The following DOCK2 variants were observed in gnomAD, a reference collection of about 807,000 sequenced individuals.
DOCK2 encodes dedicator of cytokinesis 2.
In DOCK2, 87 loss-of-function variants were observed where a neutral mutation model predicts 248.9. That is an observed-to-expected ratio of 0.35 (90% CI 0.29 to 0.42). The LOEUF (loss-of-function observed/expected upper bound fraction) is 0.42. Among genes scored for constraint, DOCK2 ranks in the 10% least tolerant of loss-of-function variants. The pLI, the probability that DOCK2 is intolerant of heterozygous loss-of-function variation, is 1.00. For synonymous variants in DOCK2, 805 were observed against 821.6 expected, an observed-to-expected ratio of 0.98 and a Z score of 0.35; for missense variants, 1,747 against 2,300.2, an observed-to-expected ratio of 0.76 and a Z score of 4.92.
At chr5:169,651,582 A>C (rs1757806726) in intron 1 of DOCK2, among the ~76,000 whole-genome samples, 1 of 152,130 alleles carries the variant, frequency 6.6e-6, no homozygotes, top group Non-Finnish European at 1.5e-5. Context: ...CTTCTGTTGG[A>C]AGCCTCAGTT....
intron 27 of DOCK2, among the ~76,000 whole-genome samples, chr5:169,950,700 T>C (rs928778644): frequency 6.6e-6 from 1 of 152,232 alleles, no homozygotes; most frequent in Non-Finnish European, 1.5e-5. Context: ...ATTTTGTCGT[T>C]ATTCCTGGTA....
rs1769187487 is a variant in DOCK2, at chr5:169,830,953, G to A, written c.2704-9804G>A. 2.0e-5 allele frequency among the ~76,000 whole-genome samples: 3 copies of A among 152,276 alleles called. No homozygotes were observed. The South Asian group carries it at 6.2e-4, about 32-fold the overall frequency. On this transcript the variant is annotated intron_variant, in intron 26 of 51. Coordinates refer to ENST00000520908, the MANE Select transcript of DOCK2 (RefSeq NM_004946.3). ...CCCCTGAACACAGGGCTTCCTGGGT[G>A]TACATCCCTGGGATGTATCCACTCA...
At chr5:169,728,809 A>G (rs1157069712) in intron 22 of DOCK2, among the ~76,000 whole-genome samples, 1 of 145,412 alleles carries the variant, frequency 6.9e-6, no homozygotes, top group East Asian at 2.0e-4. Context: ...GAATCTGGGG[A>G]AAATTTCATA....
At chr5:169,979,229 A>G (rs1777851022) in intron 27 of DOCK2, among the ~76,000 whole-genome samples, 1 of 152,214 alleles carries the variant, frequency 6.6e-6, no homozygotes, top group Admixed American at 6.5e-5. Flanking sequence ...CCTACACTGT[A>G]AAGTTTGAAC....
At chr5:169,864,255 G>A (rs1425819298) in intron 27 of DOCK2, 6 of 1,549,294 alleles carry the variant, frequency 3.9e-6, no homozygotes, top group East Asian at 2.4e-5. Flanking sequence ...GGGGGGCTGG[G>A]GGATGGTCCC....
At chr5:169,660,323 G>A (rs1020125179) in intron 2 of DOCK2, among the ~76,000 whole-genome samples, 1 of 152,166 alleles carries the variant, frequency 6.6e-6, no homozygotes, top group African/African-American at 2.4e-5. Flanking sequence ...GGCAGAGTGA[G>A]ATCTTCTCTC....
chr5:169,779,292 T>A (rs1765557951), intron 25 of DOCK2: 1 of 152,184 alleles, frequency 6.6e-6, no homozygotes, highest in African/African-American at 2.4e-5. Flanking sequence ...ACATACCAAT[T>A]TACTTACCAA....
intron 25 of DOCK2, among the ~76,000 whole-genome samples, chr5:169,794,750 C>T (rs760494803): frequency 6.6e-5 from 10 of 152,072 alleles, no homozygotes; most frequent in Non-Finnish European, 2.9e-5. Context: ...CGGTGAAACC[C>T]GTCTCTACTA....
chr5:169,702,248 C>T (rs543385799), intron 13 of DOCK2, 55 bp from the exon 14 acceptor site: 181 of 1,593,324 alleles, frequency 1.1e-4, no homozygotes, highest in African/African-American at 8.4e-4. Flanking sequence ...AGTTAGTCAG[C>T]GTCTCTCCTG....
At chr5:170,025,259 A>T (rs1393348069) in intron 33 of DOCK2, among the ~76,000 whole-genome samples, 1 of 152,254 alleles carries the variant, frequency 6.6e-6, no homozygotes, top group African/African-American at 2.4e-5. Flanking sequence ...CCCACAGACC[A>T]AATCCATCCT....
intron 27 of DOCK2, among the ~76,000 whole-genome samples, chr5:169,975,998 C>A (rs1042781634): frequency 3.3e-5 from 5 of 152,212 alleles, no homozygotes; most frequent in African/African-American, 1.2e-4. Flanking sequence ...AACAAAACTT[C>A]TTTCATTTCT....
intron 17 of DOCK2, 36 bp from the exon 18 acceptor site, chr5:169,713,992 C>T (rs767628309): frequency 7.7e-6 from 12 of 1,554,108 alleles, no homozygotes; most frequent in Non-Finnish European, 1.0e-5. Flanking sequence ...GGGCATGGAG[C>T]CTTGGCTTGG....
intron 22 of DOCK2, among the ~76,000 whole-genome samples, chr5:169,741,184 A>G (rs1462708724): frequency 6.6e-6 from 1 of 152,044 alleles, no homozygotes; most frequent in Non-Finnish European, 1.5e-5. Context: ...GCAATTTCTT[A>G]TTTATTTCAG....
At chr5:169,869,908 C>T (rs962376973) in intron 27 of DOCK2, among the ~76,000 whole-genome samples, 3 of 152,172 alleles carry the variant, frequency 2.0e-5, no homozygotes, top group Admixed American at 6.5e-5. Context: ...CTGTATATTC[C>T]ATGCAGGATC....
At chr5:170,036,671 G>T in intron 36 of DOCK2, 116 bp downstream of exon 36, 1 of 945,988 alleles carries the variant, frequency 1.1e-6, no homozygotes, top group Non-Finnish European at 1.6e-6. Context: ...TTGACATTCA[G>T]GCCCTCTGTG....
intron 9 of DOCK2, among the ~76,000 whole-genome samples, chr5:169,692,066 G>A (rs1490166623): frequency 2.6e-5 from 4 of 152,044 alleles, no homozygotes; most frequent in Non-Finnish European, 4.4e-5. Flanking sequence ...ATGTTGGCCA[G>A]GATGGTCTTG....
chr5:169,865,507 G>C (rs1250781886), intron 27 of DOCK2, among the ~76,000 whole-genome samples: 1 of 152,192 alleles, frequency 6.6e-6, no homozygotes, highest in Non-Finnish European at 1.5e-5. Context: ...AGACATCCCT[G>C]TGGGCTGAGC....
chr5:169,987,924 T>G (rs926574203), intron 29 of DOCK2, among the ~76,000 whole-genome samples: 1 of 152,198 alleles, frequency 6.6e-6, no homozygotes, highest in Non-Finnish European at 1.5e-5. Context: ...TTTAACCTCT[T>G]GGAGTGTTAG....
chr5:169,885,510 C>T lies in DOCK2; in HGVS notation c.2799+44658C>T, dbSNP rs536477345. ...AACATTTATTTAAGGACAAAATTCT[C>T]CCCTGATGTCTTCATTTCTTATTGC... is the stretch of plus-strand genomic sequence containing the variant. On this transcript the variant is annotated intron_variant, in intron 27 of 51. Coordinates refer to ENST00000520908, the MANE Select transcript of DOCK2 (RefSeq NM_004946.3). Among the ~76,000 whole-genome samples the T allele has an allele frequency of 2.0e-5, 3 of 152,346 alleles. No individual in the cohort carries two copies. The East Asian group carries it at 5.8e-4, about 29-fold the overall frequency.
Sources: gnomAD v4.1 joint callset for allele counts (sites outside exome capture counted in the v4.1 genomes callset) on GRCh38, gnomAD v4.1.1 for gene constraint, MANE v1.5 for transcripts, NCBI Gene and HGNC (gene_info 2026-07-23, HGNC 2026-07-21) for gene names.